The following KRT28 variants were observed in gnomAD, a reference collection of about 807,000 sequenced individuals.
KRT28 encodes keratin 28.
In KRT28, 45 loss-of-function variants were observed where a neutral mutation model predicts 48.1. The observed-to-expected ratio is 0.94, with a 90% CI of 0.74 to 1.20. The LOEUF is 1.20. Among genes scored for constraint, KRT28 ranks in the 50% most tolerant of loss-of-function variants. The pLI is 0.00. For missense variants in KRT28, 571 were observed against 574.1 expected, an observed-to-expected ratio of 0.99 and a Z score of 0.06; for synonymous variants, 228 against 227.4, an observed-to-expected ratio of 1.00 and a Z score of -0.03.
At position 40,797,206 on chromosome 17, in the gene KRT28, CGAGGTCTACCCCCG is replaced by C; in HGVS notation, c.752_765del (p.Pro251ArgfsTer28). On this transcript the variant is annotated frameshift_variant, in exon 4 of 8. Transcript: ENST00000306658. LOFTEE classifies it high-confidence loss of function. ...GCTCGCATGTTGTTCAACAAAACCG[CGAGGTCTACCCCCG>C]GGGCCGCGTTCATCTCCACGTTCAC... 1 of 1,614,148 alleles carries C rather than the reference CGAGGTCTACCCCCG, an allele frequency of 6.2e-7. No individual in the cohort carries two copies. Among genetic ancestry groups the C allele is most frequent in the South Asian group, 1.1e-5 (1 of 91,082 alleles).
At chr17:40,792,854 C>T (rs1253863255) in intron 7 of KRT28, among the ~76,000 whole-genome samples, 14 of 152,138 alleles carry the variant, frequency 9.2e-5, no homozygotes, top group Non-Finnish European at 4.4e-5. Flanking sequence ...GATCCTAGCA[C>T]TTTGGGAGGC....
At chr17:40,795,481 C>T (rs183741208) in intron 5 of KRT28, among the ~76,000 whole-genome samples, 2 of 152,084 alleles carry the variant, frequency 1.3e-5, no homozygotes, top group African/African-American at 4.8e-5. Context: ...TCACAGGAAG[C>T]AAACGTGAAC....
At chr17:40,798,117 T>A (rs1056595543) in intron 3 of KRT28, 118 bp downstream of exon 3, 1 of 952,952 alleles carries the variant, frequency 1.0e-6, no homozygotes, top group Non-Finnish European at 1.6e-6. Flanking sequence ...TCTGTCTGTA[T>A]CCGTTGGCAA....
At chr17:40,795,865 A>G (rs1904601412) in intron 5 of KRT28, among the ~76,000 whole-genome samples, 2 of 152,170 alleles carry the variant, frequency 1.3e-5, no homozygotes, top group African/African-American at 4.8e-5. Context: ...GATCTAGTTC[A>G]GGGAAGAAGG....
chr17:40,794,420 C>T (rs1245432841), intron 5 of KRT28, among the ~76,000 whole-genome samples: 1 of 152,122 alleles, frequency 6.6e-6, no homozygotes, highest in East Asian at 1.9e-4. Context: ...TTCAGGGTTA[C>T]CTGTTGTTTC....
intron 5 of KRT28, among the ~76,000 whole-genome samples, chr17:40,796,500 G>A (rs2143073330): frequency 6.6e-6 from 1 of 152,276 alleles, no homozygotes; most frequent in African/African-American, 2.4e-5. Context: ...CTTCTAATAT[G>A]TCTTCATCAG....
At chr17:40,793,742 A>C in intron 6 of KRT28, 87 bp downstream of exon 6, 1 of 1,289,640 alleles carries the variant, frequency 7.8e-7, no homozygotes, top group Non-Finnish European at 1.1e-6. Context: ...GAAAAAGAAA[A>C]GGCTTGGAAG....
chr17:40,792,740 T>C (rs1012069293), intron 7 of KRT28, among the ~76,000 whole-genome samples, 171 bp from the exon 8 acceptor site: 2 of 152,238 alleles, frequency 1.3e-5, no homozygotes, highest in Admixed American at 6.5e-5. Flanking sequence ...TTCAGAACAG[T>C]TTAGCTAAAA....
At chr17:40,793,780 T>C (rs1379895079) in intron 6 of KRT28, 49 bp downstream of exon 6, 6 of 1,583,546 alleles carry the variant, frequency 3.8e-6, no homozygotes, top group African/African-American at 1.3e-5. Context: ...CAGCCCACAT[T>C]TGTAGCTTAA....
chr17:40,794,096 T>G, intron 5 of KRT28, 50 bp from the exon 6 acceptor site: 1 of 1,592,858 alleles, frequency 6.3e-7, no homozygotes, highest in Non-Finnish European at 8.6e-7. Context: ...CTCTGAGGAC[T>G]AGTAGAACAT....
chr17:40,799,218 A>G (rs991967784), intron 1 of KRT28, among the ~76,000 whole-genome samples: 2 of 152,196 alleles, frequency 1.3e-5, no homozygotes, highest in Non-Finnish European at 2.9e-5. Flanking sequence ...TTTTTTATTC[A>G]TATGCCTATG....
In KRT28 at chr17:40,798,285, A is replaced by G; in HGVS notation, c.640T>C (p.Tyr214His). Residue 214 changes from tyrosine (Y) to histidine (H), a missense_variant, in exon 3 of 8, where the codon TAT (tyrosine) becomes CAT (histidine). Coordinates refer to ENST00000306658, the MANE Select transcript of KRT28 (RefSeq NM_181535.3). ...GTCATCTCCTCACTCAGAGACTCATATTGCAGCTCCTGGTCGGTCCTGCAG... is the reference window on the plus strand; with the variant it reads ...GTCATCTCCTCACTCAGAGACTCATGTTGCAGCTCCTGGTCGGTCCTGCAG... ...TLCRTDQELQ[Y>H]ESLSEEMTYL... is the part of the protein sequence containing the mutation. The G allele has an allele frequency of 3.1e-6, 5 of 1,613,324 alleles. No individual in the cohort carries two copies. Among genetic ancestry groups the G allele is most frequent in the Non-Finnish European group, 4.2e-6 (5 of 1,179,380 alleles).
chr17:40,799,299 C>T (rs993139805), intron 1 of KRT28, 145 bp downstream of exon 1: 6 of 709,682 alleles, frequency 8.5e-6, no homozygotes, highest in Non-Finnish European at 1.3e-5. Flanking sequence ...TCAAAGGGCC[C>T]ATTTTTGAAT....
Position 40,797,123 on chromosome 17 carries a change from C to G in KRT28, c.849G>C (p.Glu283Asp). The change falls in exon 4 of 8, where the codon GAG (glutamate) becomes GAC (aspartate). Residue 283 changes from glutamate to aspartate, a missense_variant. Transcript: ENST00000306658. The part of the protein sequence containing the change: ...NRKDAEAWFN[E>D]KSASLQQQIS... ...AGGGAGACGGGGCCCACCTCACCTT[C>G]TCATTGAACCAGGCCTCCGCGTCCT... The G allele has an allele frequency of 6.2e-7, 1 of 1,613,722 alleles. No homozygotes were observed. The highest frequency in any genetic ancestry group is 1.1e-5 in the South Asian group (1 of 91,020).
At chr17:40,795,791 G>A (rs1242999284) in intron 5 of KRT28, among the ~76,000 whole-genome samples, 2 of 152,136 alleles carry the variant, frequency 1.3e-5, no homozygotes, top group Non-Finnish European at 2.9e-5. Context: ...TTCCATCAGC[G>A]TAGCTCAGAA....
chr17:40,797,463 T>A lies in KRT28; in HGVS notation c.691-182A>T, dbSNP rs1273679151. The stretch of plus-strand genomic sequence containing the variant: ...CCAATCATCTATTTAATTAGTGAAC[T>A]GTTGACCGGGCGAGGTGGCTCACTC... On this transcript the variant is annotated intron_variant, in intron 3 of 7. Transcript: ENST00000306658. 1.7e-4 allele frequency among the ~76,000 whole-genome samples: 26 copies of A among 152,178 alleles called. 1 individual carries two copies. The highest frequency in any genetic ancestry group is 1.7e-3 in the Admixed American group (26 of 15,278).
intron 2 of KRT28, 143 bp downstream of exon 2, chr17:40,798,774 T>C (rs1904680311): frequency 3.3e-6 from 2 of 608,060 alleles, no homozygotes; most frequent in Admixed American, 3.3e-5. Flanking sequence ...ATAAGTTGAT[T>C]GTAACATTAT....
chr17:40,799,376 G>A (rs1904694450), intron 1 of KRT28, 68 bp downstream of exon 1: 1 of 1,198,398 alleles, frequency 8.3e-7, no homozygotes, highest in Admixed American at 2.2e-5. Flanking sequence ...ATTTCTTATT[G>A]TATGTCTTTT....
chr17:40,798,359 A>G lies in KRT28; in HGVS notation c.566T>C (p.Val189Ala). 2.5e-6 allele frequency: 4 copies of G among 1,611,868 alleles called. No homozygotes were observed. Among genetic ancestry groups the G allele is most frequent in the Non-Finnish European group, 3.4e-6 (4 of 1,178,766 alleles). The stretch of plus-strand genomic sequence containing the variant: ...CCGTAATCCGTTGATGTCGGCCTCT[A>G]CGTTTTGGTGAAGGGTGAGCTCATT... ...YENELTLHQN[V>A]EADINGLRRV... The change falls in exon 3 of 8, where the codon GTA (valine) becomes GCA (alanine). Residue 189 changes from valine to alanine, a missense_variant. By Grantham distance (64) the Val-to-Ala change is moderately conservative (BLOSUM62 0). Coordinates refer to ENST00000306658, the MANE Select transcript of KRT28 (RefSeq NM_181535.3).
Sources: gnomAD v4.1 joint callset for allele counts (sites outside exome capture counted in the v4.1 genomes callset) on GRCh38, gnomAD v4.1.1 for gene constraint, MANE v1.5 for transcripts, NCBI Gene and HGNC (gene_info 2026-07-23, HGNC 2026-07-21) for gene names.